Variants in FAM149B1 observed in about 807,000 individuals in gnomAD.
FAM149B1 encodes the protein primary cilium assembly protein FAM149B1.
A neutral mutation model predicts 75.3 loss-of-function variants in FAM149B1; 56 were observed. That is an observed-to-expected ratio of 0.74 (90% CI 0.60 to 0.93). The LOEUF (loss-of-function observed/expected upper bound fraction) is 0.93, where lower values mean the gene tolerates loss of function less well. Ranked by LOEUF, FAM149B1 falls within the 40% of genes least tolerant of loss-of-function variation. The pLI is 0.00. For synonymous variants in FAM149B1, 259 were observed against 256.1 expected (o/e 1.01, Z -0.11); for missense variants, 639 against 708.4 (o/e 0.90, Z 1.11).
Position 73,210,407 on chromosome 10 carries a change from G to A in FAM149B1, c.867G>A (p.Leu289=), listed in dbSNP as rs1202347342. The A allele has an allele frequency of 1.9e-6, 3 of 1,545,010 alleles. No homozygotes were observed. The highest frequency in any genetic ancestry group is 2.6e-6 in the Non-Finnish European group (3 of 1,144,880). The change falls in exon 7 of 14, where the codon TTG becomes TTA. Residue 289 remains leucine (L), a synonymous_variant. Coordinates refer to ENST00000242505, the MANE Select transcript of FAM149B1 (RefSeq NM_173348.2). ...AGGTTGTGAGCTGTATGGAGCAGTT[G>A]ACACGTAGTCACTGGGAAGGATTTG... ...WCKVVSCMEQ[L]TRSHWEGFAS...
chr10:73,199,180 G>A (rs1225971860), intron 5 of FAM149B1, among the ~76,000 whole-genome samples: 2 of 149,160 alleles, frequency 1.3e-5, no homozygotes, highest in Non-Finnish European at 3.0e-5. Flanking sequence ...TATTAGGTAA[G>A]ATAACTGTTA....
intron 5 of FAM149B1, among the ~76,000 whole-genome samples, chr10:73,204,074 T>A (rs1463699926): frequency 6.6e-6 from 1 of 152,176 alleles, no homozygotes; most frequent in Non-Finnish European, 1.5e-5. Context: ...TCCAGTAAGA[T>A]TTTCCCACCA....
chr10:73,209,429 C>G (rs981112299), intron 6 of FAM149B1, among the ~76,000 whole-genome samples: 3 of 152,086 alleles, frequency 2.0e-5, no homozygotes, highest in Non-Finnish European at 4.4e-5. Context: ...GCCTGGGCAA[C>G]AGAGCAAGAC....
intron 3 of FAM149B1, among the ~76,000 whole-genome samples, chr10:73,180,010 C>T (rs911974310): frequency 4.6e-5 from 7 of 151,906 alleles, no homozygotes; most frequent in African/African-American, 1.7e-4. Flanking sequence ...CTGTACTTGG[C>T]CTTGGGAATA....
At chr10:73,187,116 T>TA (rs1034543981) in intron 3 of FAM149B1, among the ~76,000 whole-genome samples, 1 of 151,758 alleles carries the variant, frequency 6.6e-6, no homozygotes, top group African/African-American at 2.4e-5. Context: ...CACAATAGAA[T>TA]AAAAAAAGTT....
chr10:73,186,631 A>G (rs536442973), intron 3 of FAM149B1, among the ~76,000 whole-genome samples: 2 of 152,258 alleles, frequency 1.3e-5, no homozygotes, highest in Admixed American at 1.3e-4. Flanking sequence ...AAATTAGTTC[A>G]GTTAGGTCAC....
intron 7 of FAM149B1, 59 bp downstream of exon 7, chr10:73,210,497 C>A (rs905720620): frequency 1.6e-6 from 2 of 1,244,460 alleles, no homozygotes; most frequent in Non-Finnish European, 2.3e-6. Flanking sequence ...TAAACCCTAA[C>A]CAGTCTATTA....
chr10:73,233,679 C>A (rs2043761477), intron 10 of FAM149B1, among the ~76,000 whole-genome samples: 1 of 152,156 alleles, frequency 6.6e-6, no homozygotes, highest in Non-Finnish European at 1.5e-5. Flanking sequence ...GATATTGAAT[C>A]TTTCTGTTGA....
Position 73,243,332 on chromosome 10 carries a change from A to G in FAM149B1, c.*2313A>G. On this transcript the variant is annotated 3_prime_UTR_variant, in exon 14 of 14. Coordinates refer to ENST00000242505, the MANE Select transcript of FAM149B1 (RefSeq NM_173348.2). ...GAGCTGAATTGACTTTTGCCTTCAAATCCTGCCTGCACCTTGCCTACGATG... is the reference window on the plus strand; with the variant it reads ...GAGCTGAATTGACTTTTGCCTTCAAGTCCTGCCTGCACCTTGCCTACGATG... 3 of 1,580,230 alleles carry G rather than the reference A, an allele frequency of 1.9e-6. No homozygotes were observed. Among genetic ancestry groups the G allele is most frequent in the Non-Finnish European group, 1.7e-6 (2 of 1,163,220 alleles).
Position 73,177,905 on chromosome 10 carries a change from C to T in FAM149B1, c.212C>T (p.Ser71Phe). 1 of 1,551,682 alleles carries T rather than the reference C, an allele frequency of 6.4e-7. No individual in the cohort carries two copies. The highest frequency in any genetic ancestry group is 8.7e-7 in the Non-Finnish European group (1 of 1,146,918). The part of the protein sequence containing the change: ...FTSADTGNSL[S>F]AFPSYTGAGI... ...TCAGCCGACACTGGGAATTCACTGT[C>T]TGCTTTTCCAAGTTATACAGGCGCA... Residue 71 changes from serine to phenylalanine, a missense_variant, in exon 3 of 14, where the codon TCT (serine) becomes TTT (phenylalanine). Physicochemically the swap from Ser to Phe is radical, Grantham distance 155. Transcript: ENST00000242505.
Position 73,216,688 on chromosome 10 carries a change from T to C in FAM149B1, c.898+6250T>C, listed in dbSNP as rs2043305323. On this transcript the variant is annotated intron_variant, in intron 7 of 13. Coordinates refer to ENST00000242505, the MANE Select transcript of FAM149B1 (RefSeq NM_173348.2). ...TTGTCCTAGGTATGCATAGAAGAGC[T>C]TGGCTTCCCTGTCCCTCCTCTACCA... Among the ~76,000 whole-genome samples, 4 of 152,158 alleles carry C rather than the reference T, an allele frequency of 2.6e-5. No homozygotes were observed. The South Asian group carries it at 8.3e-4, about 32-fold the overall frequency.
intron 7 of FAM149B1, among the ~76,000 whole-genome samples, chr10:73,214,581 C>A (rs372608137): frequency 3.9e-5 from 6 of 152,216 alleles, no homozygotes; most frequent in African/African-American, 1.2e-4. Flanking sequence ...GTCCTTAATT[C>A]TGTTTATATG....
chr10:73,182,874 G>T (rs12254769), intron 3 of FAM149B1, among the ~76,000 whole-genome samples: 15,266 of 152,182 alleles, frequency 0.1, 1,110 homozygotes, highest in East Asian at 0.3. Context: ...ATTAAGTTTT[G>T]CAGTAATTTG....
At chr10:73,231,806 C>G (rs935076130) in intron 9 of FAM149B1, among the ~76,000 whole-genome samples, 9 of 151,818 alleles carry the variant, frequency 5.9e-5, no homozygotes, top group African/African-American at 2.2e-4. Flanking sequence ...AGAGACCAAT[C>G]TAAAAGTCAC....
chr10:73,241,207 A>G lies in FAM149B1; in HGVS notation c.*188A>G. On this transcript the variant is annotated 3_prime_UTR_variant, in exon 14 of 14. Coordinates refer to ENST00000242505, the MANE Select transcript of FAM149B1 (RefSeq NM_173348.2). The stretch of plus-strand genomic sequence containing the variant: ...CAAAAATGACATGAGTGTTGTTTCT[A>G]TCTCCAGTTACTGTCTCTTTCAGCA... The G allele has an allele frequency of 1.8e-6, 1 of 559,824 alleles. No individual in the cohort carries two copies. The highest frequency in any genetic ancestry group is 2.9e-5 in the Admixed American group (1 of 34,994). 34.7% of individuals were successfully genotyped at this position (559,824 alleles called of 1,614,324 possible). A position where few individuals can be genotyped will look rare whatever the true frequency, so the allele number is the denominator to read the frequency against.
chr10:73,192,302 A>G (rs1038622148), intron 3 of FAM149B1: 2 of 353,572 alleles, frequency 5.7e-6, no homozygotes, highest in African/African-American at 4.4e-5. Flanking sequence ...ATTAGCTGTA[A>G]ACACCACTGT....
At chr10:73,214,768 G>T (rs2133374999) in intron 7 of FAM149B1, among the ~76,000 whole-genome samples, 1 of 151,974 alleles carries the variant, frequency 6.6e-6, no homozygotes, top group African/African-American at 2.4e-5. Flanking sequence ...TTTTTTCATT[G>T]TGTCCTTGTC....
chr10:73,215,683 G>A (rs763779408), intron 7 of FAM149B1, among the ~76,000 whole-genome samples: 16 of 152,110 alleles, frequency 1.1e-4, no homozygotes, highest in Admixed American at 3.9e-4. Context: ...TTGTTCAGGA[G>A]CATGCTGTTT....
rs997061871 is a variant in FAM149B1, at chr10:73,226,361, C to T, written c.899-1699C>T. On this transcript the variant is annotated intron_variant, in intron 7 of 13. Coordinates refer to ENST00000242505, the MANE Select transcript of FAM149B1 (RefSeq NM_173348.2). ...CTCTACTAAAAATACAAAAATTAAG[C>T]GGGTGTGGTGGCGGGCACCTGTAGT... Among the ~76,000 whole-genome samples, 6 of 151,960 alleles carry T rather than the reference C, an allele frequency of 3.9e-5. 1 individual carries two copies. The highest frequency in any genetic ancestry group is 4.2e-4 in the South Asian group (2 of 4,808).
Sources: allele counts gnomAD v4.1 joint callset (sites outside exome capture counted in the v4.1 genomes callset), GRCh38; gene constraint gnomAD v4.1.1; transcripts MANE v1.5; gene names NCBI Gene and HGNC (gene_info 2026-07-23, HGNC 2026-07-21).